The following RABGAP1L variants were observed in gnomAD, a reference collection of about 807,000 sequenced individuals.
The protein encoded by RABGAP1L is RAB GTPase activating protein 1 like.
In RABGAP1L, 63 loss-of-function variants were observed where a neutral mutation model predicts 137.7. The observed-to-expected ratio is 0.46, with a 90% CI of 0.37 to 0.56. The LOEUF (loss-of-function observed/expected upper bound fraction) is 0.56, where lower values mean the gene tolerates loss of function less well. Ranked by LOEUF, RABGAP1L falls within the 20% of genes least tolerant of loss-of-function variation. The pLI is 0.00. For synonymous variants in RABGAP1L, 431 were observed against 433.7 expected (o/e 0.99, Z 0.08); for missense variants, 1,095 against 1,244.0 (o/e 0.88, Z 1.80).
At chr1:174,376,660 A>C (rs989413680) in intron 12 of RABGAP1L, among the ~76,000 whole-genome samples, 5 of 152,170 alleles carry the variant, frequency 3.3e-5, no homozygotes, top group African/African-American at 9.7e-5. Context: ...TGATTTAAAA[A>C]AACCAAAAAA....
chr1:174,532,715 C>T (rs1464681007), intron 13 of RABGAP1L, among the ~76,000 whole-genome samples: 1 of 151,988 alleles, frequency 6.6e-6, no homozygotes, highest in Non-Finnish European at 1.5e-5. Context: ...AACTACATGA[C>T]TCTATTAATA....
chr1:174,338,318 A>C (rs1681658709), intron 11 of RABGAP1L, among the ~76,000 whole-genome samples: 1 of 152,218 alleles, frequency 6.6e-6, no homozygotes. Context: ...AAATACAACA[A>C]CAGTTTCTTA....
intron 18 of RABGAP1L, among the ~76,000 whole-genome samples, chr1:174,767,500 T>C (rs1558058660): frequency 6.6e-6 from 1 of 150,590 alleles, no homozygotes; most frequent in African/African-American, 2.4e-5. Context: ...TCCTCATTAC[T>C]GGTATCCAAA....
At chr1:174,774,448 AT>A (rs1686364457) in intron 18 of RABGAP1L, among the ~76,000 whole-genome samples, 1 of 152,278 alleles carries the variant, frequency 6.6e-6, no homozygotes, top group Admixed American at 6.5e-5. Flanking sequence ...AATAAAAAAA[AT>A]AGCAAGGCAT....
intron 11 of RABGAP1L, among the ~76,000 whole-genome samples, chr1:174,349,812 C>T (rs1682915482): frequency 7.7e-6 from 1 of 129,502 alleles, no homozygotes; most frequent in Non-Finnish European, 1.7e-5. Context: ...GGCGGCCGGG[C>T]AGAGGCGCCC....
chr1:174,680,824 G>A (rs1341817757), intron 14 of RABGAP1L, among the ~76,000 whole-genome samples: 6 of 152,034 alleles, frequency 3.9e-5, no homozygotes. Flanking sequence ...AGCCTGGGAG[G>A]CAGAGGCTGT....
At chr1:174,788,709 A>G (rs947358366) in intron 18 of RABGAP1L, among the ~76,000 whole-genome samples, 4 of 152,106 alleles carry the variant, frequency 2.6e-5, no homozygotes, top group Non-Finnish European at 4.4e-5. Context: ...ACTGGCCTCA[A>G]ATGTACCTAT....
chr1:174,379,109 T>C (rs1685872478), intron 12 of RABGAP1L, among the ~76,000 whole-genome samples: 1 of 145,794 alleles, frequency 6.9e-6, no homozygotes, highest in Admixed American at 6.9e-5. Context: ...ATATGCGGCG[T>C]TATTTCTGAG....
chr1:174,620,005 C>T (rs1672291083), intron 13 of RABGAP1L, among the ~76,000 whole-genome samples: 1 of 152,118 alleles, frequency 6.6e-6, no homozygotes. Context: ...TCTGATAAAA[C>T]AGACTTTACA....
At chr1:174,486,499 A>C (rs1659672030) in intron 13 of RABGAP1L, among the ~76,000 whole-genome samples, 1 of 151,384 alleles carries the variant, frequency 6.6e-6, no homozygotes. Flanking sequence ...TGCACCCGCC[A>C]CCACACCCAG....
Position 174,953,589 on chromosome 1 carries a change from T to C in RABGAP1L, c.2341-3868T>C, listed in dbSNP as rs546319349. On this transcript the variant is annotated intron_variant, in intron 19 of 25. Coordinates refer to ENST00000681986, the MANE Select transcript of RABGAP1L (RefSeq NM_001366446.1). ...AGTAGAGTTAATAAAGCTTCTCCAG[T>C]GATTTAGAATTATAACGCTCTGAGT... Among the ~76,000 whole-genome samples, 4 of 152,300 alleles carry C rather than the reference T, an allele frequency of 2.6e-5. No individual in the cohort carries two copies. In the East Asian group the frequency reaches 5.8e-4, roughly 22 times the overall value.
intron 17 of RABGAP1L, among the ~76,000 whole-genome samples, chr1:174,716,808 C>G (rs897748724): frequency 4.6e-5 from 7 of 152,120 alleles, no homozygotes; most frequent in African/African-American, 1.4e-4. Flanking sequence ...CCTGCTGGTC[C>G]TCTGGCTCAT....
chr1:174,716,027 C>T (rs1482578003), intron 17 of RABGAP1L, among the ~76,000 whole-genome samples: 1 of 152,242 alleles, frequency 6.6e-6, no homozygotes. Flanking sequence ...TAACCTAACA[C>T]ATCCTTCCAT....
At chr1:174,533,537 G>A (rs888306320) in intron 13 of RABGAP1L, among the ~76,000 whole-genome samples, 2 of 152,018 alleles carry the variant, frequency 1.3e-5, no homozygotes, top group African/African-American at 4.8e-5. Context: ...CTTTCATGAT[G>A]ATCCACTTCT....
chr1:174,718,555 A>G (rs1158180794), intron 17 of RABGAP1L, among the ~76,000 whole-genome samples: 1 of 152,156 alleles, frequency 6.6e-6, no homozygotes, highest in African/African-American at 2.4e-5. Flanking sequence ...GTTGGATATT[A>G]CCCAATTCTT....
intron 18 of RABGAP1L, among the ~76,000 whole-genome samples, chr1:174,780,843 A>G (rs1326934589): frequency 6.7e-6 from 1 of 149,158 alleles, no homozygotes; most frequent in Non-Finnish European, 1.5e-5. Flanking sequence ...TTCTTGCGAC[A>G]GTTTGCTGAG....
At chr1:174,511,822 A>ATG (rs1418468515) in intron 13 of RABGAP1L, among the ~76,000 whole-genome samples, 1 of 152,052 alleles carries the variant, frequency 6.6e-6, no homozygotes, top group Non-Finnish European at 1.5e-5. Context: ...GGGTTTCTCC[A>ATG]TGTTGAGGCT....
intron 3 of RABGAP1L, among the ~76,000 whole-genome samples, chr1:174,229,117 C>G (rs1670425404): frequency 6.6e-6 from 1 of 151,764 alleles, no homozygotes; most frequent in African/African-American, 2.4e-5. Context: ...GAAAAAAATT[C>G]CATTGGAATA....
In RABGAP1L at chr1:174,473,756, C is replaced by A. The variant is rs562583722; in HGVS notation, c.1710+79611C>A. 6.6e-5 allele frequency among the ~76,000 whole-genome samples: 10 copies of A among 152,292 alleles called. No homozygotes were observed. In the South Asian group the frequency reaches 1.7e-3, roughly 25 times the overall value. ...TGTAAAACATGTAAAAGCTGAGCTGCTGAGCAGGTTGAGCTGAAGCAGGCT... is the reference window on the plus strand; with the variant it reads ...TGTAAAACATGTAAAAGCTGAGCTGATGAGCAGGTTGAGCTGAAGCAGGCT... On this transcript the variant is annotated intron_variant, in intron 13 of 25. Transcript: ENST00000681986.
Sources: allele counts gnomAD v4.1 joint callset (sites outside exome capture counted in the v4.1 genomes callset), GRCh38; gene constraint gnomAD v4.1.1; transcripts MANE v1.5; gene names NCBI Gene and HGNC (gene_info 2026-07-23, HGNC 2026-07-21).